URB1: variants seen among roughly 807,000 people sequenced by gnomAD.
URB1 encodes nucleolar pre-ribosomal-associated protein 1.
URB1 carries 197 observed loss-of-function variants against 242.3 expected under a neutral mutation model. The observed-to-expected ratio is 0.81, with a 90% CI of 0.72 to 0.91. The LOEUF (loss-of-function observed/expected upper bound fraction) is 0.91, where lower values mean the gene tolerates loss of function less well. URB1 is among the 40% of genes least tolerant of loss of function. The pLI is 0.00. For synonymous variants in URB1, 1,153 were observed against 1,201.8 expected (o/e 0.96, Z 0.84); for missense variants, 2,721 against 2,860.5 (o/e 0.95, Z 1.11).
Position 32,322,480 on chromosome 21 carries a change from C to CAA in URB1, c.5336_5337dup (p.Glu1780LeufsTer77). 6.4e-7 allele frequency: 1 copy of CAA among 1,552,228 alleles called. No individual in the cohort carries two copies. The highest frequency in any genetic ancestry group is 8.7e-7 in the Non-Finnish European group (1 of 1,147,012). On this transcript the variant is annotated frameshift_variant, in exon 33 of 39. Coordinates refer to ENST00000382751, the MANE Select transcript of URB1 (RefSeq NM_014825.3). LOFTEE classifies it high-confidence loss of function. ...CCGTGAGGACTCTGGAAGCATACCT[C>CAA]AAAGTCGGAGCTGTAGAAGAACTGG...
In URB1 at chr21:32,359,850, C is replaced by G; in HGVS notation, c.1815G>C (p.Met605Ile). Residue 605 changes from methionine to isoleucine, a missense_variant, in exon 14 of 39, where the codon ATG (methionine) becomes ATC (isoleucine). Coordinates refer to ENST00000382751, the MANE Select transcript of URB1 (RefSeq NM_014825.3). ...CCGGCAGCTCCAGGGCCACCTTCAG[C>G]ATGTGGTGCTGCAGAATGGGAGGCA... ...EEVPPILQHHMLKVALELPAS... is the reference protein window; with the variant it reads ...EEVPPILQHHILKVALELPAS... 2 of 1,548,284 alleles carry G rather than the reference C, an allele frequency of 1.3e-6. No individual in the cohort carries two copies. Among genetic ancestry groups the G allele is most frequent in the Non-Finnish European group, 1.7e-6 (2 of 1,145,632 alleles).
intron 8 of URB1, among the ~76,000 whole-genome samples, chr21:32,371,181 G>A (rs2033402603): frequency 3.9e-5 from 6 of 152,144 alleles, no homozygotes; most frequent in Admixed American, 3.9e-4. Context: ...GGGGAACAGG[G>A]AACGATGCAA....
In URB1 at chr21:32,350,298, G is replaced by A. The variant is rs568891670; in HGVS notation, c.2832+406C>T. Among the ~76,000 whole-genome samples the A allele has an allele frequency of 3.3e-5, 5 of 152,302 alleles. No homozygotes were observed. The South Asian group carries it at 1.0e-3, about 32-fold the overall frequency. On this transcript the variant is annotated intron_variant, in intron 20 of 38. Coordinates refer to ENST00000382751, the MANE Select transcript of URB1 (RefSeq NM_014825.3). ...AAAACACAAAAATTAGCTGGGAATG[G>A]TGGTGCATGCCTGTAGTCCCAGCTA...
intron 30 of URB1, chr21:32,333,102 A>ATT: frequency 4.0e-5 from 19 of 469,590 alleles, no homozygotes; most frequent in Admixed American, 7.7e-5. Context: ...TAAAATTACA[A>ATT]TTTTTTTTTT....
chr21:32,346,898 A>T, intron 22 of URB1, 58 bp downstream of exon 22: 1 of 1,446,908 alleles, frequency 6.9e-7, no homozygotes. Flanking sequence ...CATGCAGTTC[A>T]CCTTCTTAGC....
rs2033065750 is a variant in URB1 at position 32,344,694 on chromosome 21, C to T, written c.4133G>A (p.Trp1378Ter). The T allele has an allele frequency of 1.3e-6, 2 of 1,552,278 alleles. No individual in the cohort carries two copies. The highest frequency in any genetic ancestry group is 1.7e-6 in the Non-Finnish European group (2 of 1,147,152). ...ACAGGACTCCAAAAGGGTCCTTCTC[C>T]AGGCACACAGCTCTTCTGCTGACCC... ...LEGSAEELCA[W>*]RRTLLESCVK... The change falls in exon 24 of 39, where the codon TGG (tryptophan) becomes TAG (stop). Residue 1378 changes from tryptophan (W) to a stop codon, truncating the protein, a stop_gained. Transcript: ENST00000382751. LOFTEE classifies it high-confidence loss of function.
Position 32,317,984 on chromosome 21 carries a change from G to C in URB1, c.5793-67C>G, listed in dbSNP as rs1016897827. 16 of 1,526,490 alleles carry C rather than the reference G, an allele frequency of 1.0e-5. No individual in the cohort carries two copies. The African/African-American group carries it at 2.2e-4, about 21-fold the overall frequency. The allele number at this position is 1,526,490 out of a possible 1,614,324, so 94.6% of individuals were successfully genotyped here. ...CCCCTGCCTGGCAGTCAGCACTGCG[G>C]CACCCTGACGACATCACACACCCAG... On this transcript the variant is annotated intron_variant, in intron 36 of 38. Coordinates refer to ENST00000382751, the MANE Select transcript of URB1 (RefSeq NM_014825.3).
At chr21:32,322,676 G>T in intron 32 of URB1, 92 bp from the exon 33 acceptor site, 1 of 896,928 alleles carries the variant, frequency 1.1e-6, no homozygotes, top group Non-Finnish European at 1.8e-6. Flanking sequence ...CTGGGTATCA[G>T]ACATAAATCC....
At chr21:32,333,955 G>A (rs1347401489) in intron 29 of URB1, among the ~76,000 whole-genome samples, 2 of 152,206 alleles carry the variant, frequency 1.3e-5, no homozygotes, top group East Asian at 1.9e-4. Context: ...GGAACAGAGT[G>A]GTATAAACAG....
intron 29 of URB1, 107 bp downstream of exon 29, chr21:32,334,056 T>C: frequency 1.5e-6 from 2 of 1,329,644 alleles, no homozygotes; most frequent in African/African-American, 1.5e-5. Flanking sequence ...ATAAGATTCT[T>C]ACTTAATAAA....
At chr21:32,383,692 C>CT (rs1304592223) in intron 3 of URB1, 138 bp from the exon 4 acceptor site, 5 of 985,026 alleles carry the variant, frequency 5.1e-6, no homozygotes, top group Non-Finnish European at 5.4e-6. Context: ...AAGACATGCT[C>CT]TTTTTTTAAG....
At position 32,338,890 on chromosome 21, in the gene URB1, G is replaced by A; in HGVS notation, c.4327C>T (p.Gln1443Ter). 1 of 1,536,046 alleles carries A rather than the reference G, an allele frequency of 6.5e-7. No individual in the cohort carries two copies. The highest frequency in any genetic ancestry group is 1.4e-5 in the African/African-American group (1 of 72,652). ...AGCATCTTTAAAAATGTGTGGTCCT[G>A]GTACCGAAATCTAGGCGGCGAGAGT... ...FVKKGLKFRY[Q>*]DHTFLKMLLT... Residue 1443 changes from glutamine to a stop codon, truncating the protein, a stop_gained, in exon 26 of 39, where the codon CAG becomes TAG. Coordinates refer to ENST00000382751, the MANE Select transcript of URB1 (RefSeq NM_014825.3). LOFTEE classifies it high-confidence loss of function.
In URB1 at chr21:32,345,456, C is replaced by T. The variant is rs1268203187; in HGVS notation, c.3988G>A (p.Val1330Ile). ...GLYQEILAQL[V>I]PFARAKDLSV... The stretch of plus-strand genomic sequence containing the variant: ...AGATCCTTGGCTCGTGCAAACGGGA[C>T]CAGCTGTGCCAGGATCTCCTGGTAC... Residue 1330 changes from valine to isoleucine, a missense_variant, in exon 23 of 39, where the codon GTC (valine) becomes ATC (isoleucine). Coordinates refer to ENST00000382751, the MANE Select transcript of URB1 (RefSeq NM_014825.3). The T allele has an allele frequency of 1.7e-5, 26 of 1,551,428 alleles. No homozygotes were observed. The highest frequency in any genetic ancestry group is 1.8e-5 in the Non-Finnish European group (21 of 1,146,972).
chr21:32,383,872 G>T (rs2033553189), intron 3 of URB1, among the ~76,000 whole-genome samples: 1 of 152,200 alleles, frequency 6.6e-6, no homozygotes, highest in African/African-American at 2.4e-5. Flanking sequence ...GAATACAGAG[G>T]ACGACTTCTT....
At chr21:32,374,177 T>C (rs980498251) in intron 6 of URB1, among the ~76,000 whole-genome samples, 1 of 152,212 alleles carries the variant, frequency 6.6e-6, no homozygotes, top group Non-Finnish European at 1.5e-5. Flanking sequence ...TATCTAACCA[T>C]TCCCCTGGTG....
intron 37 of URB1, among the ~76,000 whole-genome samples, chr21:32,317,345 G>C (rs1447343218): frequency 6.6e-6 from 1 of 152,206 alleles, no homozygotes; most frequent in East Asian, 1.9e-4. Context: ...CTTCAGTCCA[G>C]GAGGCCAGGT....
rs2032648416 is a variant in URB1, at chr21:32,314,554, TAA to T, written c.*362_*363del. The T allele has an allele frequency of 6.2e-7, 1 of 1,613,818 alleles. No individual in the cohort carries two copies. Among genetic ancestry groups the T allele is most frequent in the Non-Finnish European group, 8.5e-7 (1 of 1,179,774 alleles). On this transcript the variant is annotated 3_prime_UTR_variant, in exon 39 of 39. Transcript: ENST00000382751. ...CTGATACCTTTTGACATTTCAGCTT[TAA>T]CACAGATGAATCTCTTCTGCATTCA...
chr21:32,360,315 C>G (rs551687622), intron 13 of URB1, among the ~76,000 whole-genome samples: 1 of 152,338 alleles, frequency 6.6e-6, no homozygotes, highest in East Asian at 1.9e-4. Context: ...TTCTCATCCT[C>G]TAGCCGGCTC....
chr21:32,359,344 T>C (rs572975529), intron 14 of URB1, among the ~76,000 whole-genome samples: 51 of 152,334 alleles, frequency 3.3e-4, no homozygotes, highest in African/African-American at 1.2e-3. Flanking sequence ...GTAGATATTT[T>C]ATTAAAGACC....
Sources: allele counts gnomAD v4.1 joint callset (sites outside exome capture counted in the v4.1 genomes callset), GRCh38; gene constraint gnomAD v4.1.1; transcripts MANE v1.5; gene names NCBI Gene and HGNC (gene_info 2026-07-23, HGNC 2026-07-21).